The following PES1 variants were observed in gnomAD, a reference collection of about 807,000 sequenced individuals.
PES1 encodes the protein pescadillo homolog.
In PES1, 31 loss-of-function variants were observed where a neutral mutation model predicts 77.1. The ratio of observed to expected loss-of-function variants is 0.40; its 90% confidence interval spans 0.30 to 0.54. The LOEUF (loss-of-function observed/expected upper bound fraction) is 0.54, where lower values mean the gene tolerates loss of function less well. PES1 is among the 20% of genes least tolerant of loss of function. The probability of loss-of-function intolerance (pLI) is 0.45; values close to 1 mark genes in which losing one functional copy is unlikely to be tolerated. For synonymous variants in PES1, 282 were observed against 303.0 expected (o/e 0.93, Z 0.72); for missense variants, 658 against 771.7 (o/e 0.85, Z 1.75).
chr22:30,603,690 T>A (rs1404289126), intron 2 of PES1: 1 of 152,204 alleles, frequency 6.6e-6, no homozygotes, highest in African/African-American at 2.4e-5. Flanking sequence ...CCTTAAAATA[T>A]GATTTTAATA....
At chr22:30,591,740 A>G in intron 1 of PES1, 70 bp downstream of exon 1, 1 of 1,508,698 alleles carries the variant, frequency 6.6e-7, no homozygotes, top group African/African-American at 1.4e-5. Flanking sequence ...GCCCGGGAAA[A>G]GAGTCGACCC....
intron 2 of PES1, among the ~76,000 whole-genome samples, chr22:30,598,084 C>T (rs952550310): frequency 1.3e-5 from 2 of 151,934 alleles, no homozygotes; most frequent in Admixed American, 6.6e-5. Flanking sequence ...GGGGTTTCAC[C>T]GTTTTAGCCG....
chr22:30,595,309 G>A (rs2087238068), upstream of PES1, among the ~76,000 whole-genome samples: 1 of 152,050 alleles, frequency 6.6e-6, no homozygotes, highest in African/African-American at 2.4e-5. Context: ...GGAGGCCAAG[G>A]CGGGTGGATC....
At chr22:30,600,263 G>GAT (rs925466192) in intron 2 of PES1, among the ~76,000 whole-genome samples, 60 of 152,164 alleles carry the variant, frequency 3.9e-4, no homozygotes, top group African/African-American at 1.4e-3. Context: ...GAGCCAGGGA[G>GAT]ATGGAGGTTG....
intron 14 of PES1, among the ~76,000 whole-genome samples, chr22:30,577,706 C>T: frequency 6.6e-6 from 1 of 151,816 alleles, no homozygotes; most frequent in East Asian, 1.9e-4. Context: ...ATGTTGCCAA[C>T]GCTGGTCTTG....
At chr22:30,580,903 C>T in intron 9 of PES1, 109 bp downstream of exon 9, 2 of 1,198,676 alleles carry the variant, frequency 1.7e-6, no homozygotes, top group East Asian at 2.4e-5. Flanking sequence ...TGCTCAGTTG[C>T]TTTGACCATC....
chr22:30,581,487 C>A (rs2086986970), intron 7 of PES1, 41 bp downstream of exon 7: 3 of 1,605,092 alleles, frequency 1.9e-6, no homozygotes, highest in African/African-American at 1.3e-5. Flanking sequence ...AGGGCTGTGG[C>A]CCCTGCACGG....
Position 30,584,434 on chromosome 22 carries a change from G to A in PES1, c.561C>T (p.Gly187=). Residue 187 remains glycine, a synonymous_variant, in exon 6 of 15, where the codon GGC becomes GGT. Coordinates refer to ENST00000354694, the MANE Select transcript of PES1 (RefSeq NM_014303.4). ...CCAGTACCTCGGCCTGGTAGTAAATGCCTTTGATGGACAGGAAGACCTAGG... is the reference window on the plus strand; with the variant it reads ...CCAGTACCTCGGCCTGGTAGTAAATACCTTTGATGGACAGGAAGACCTAGG... ...ALRKVFLSIK[G]IYYQAEVLGQ... 6.2e-7 allele frequency: 1 copy of A among 1,612,208 alleles called. No homozygotes were observed.
chr22:30,603,587 G>C (rs1296960878), intron 2 of PES1, among the ~76,000 whole-genome samples: 1 of 151,736 alleles, frequency 6.6e-6, no homozygotes, highest in South Asian at 2.1e-4. Flanking sequence ...TCACCCTGTT[G>C]GTCAGGCTGG....
At chr22:30,601,517 T>G (rs562471874) in intron 2 of PES1, among the ~76,000 whole-genome samples, 2 of 127,574 alleles carry the variant, frequency 1.6e-5, no homozygotes, top group South Asian at 5.0e-4. Context: ...TTCACTATGT[T>G]GGCCAGGCTA....
intron 6 of PES1, among the ~76,000 whole-genome samples, chr22:30,583,914 G>A (rs1602011759): frequency 6.6e-6 from 1 of 152,262 alleles, no homozygotes; most frequent in East Asian, 1.9e-4. Context: ...AGGCCACTTG[G>A]CCAAGGTCTG....
rs541839622 is a variant in PES1 at position 30,580,428 on chromosome 22, T to G, written c.1043+143A>C. Reference sequence around the variant, plus strand: ...TGCTGAGCACTTCCTATGTGCTCAGTGCGGTGCCGAGCACTTTCCACACAC... The same window carrying G: ...TGCTGAGCACTTCCTATGTGCTCAGGGCGGTGCCGAGCACTTTCCACACAC... On this transcript the variant is annotated intron_variant, in intron 10 of 14. Coordinates refer to ENST00000354694, the MANE Select transcript of PES1 (RefSeq NM_014303.4). The G allele has an allele frequency of 4.2e-6, 5 of 1,187,240 alleles. 1 individual carries two copies. In the Admixed American group the frequency reaches 1.0e-4, roughly 24 times the overall value. The allele number at this position is 1,187,240 out of a possible 1,614,324, so 73.5% of individuals were successfully genotyped here. A position where few individuals can be genotyped will look rare whatever the true frequency, so the allele number is the denominator to read the frequency against.
At chr22:30,606,609 C>CG (rs1239658505) in intron 1 of PES1, 1 of 153,212 alleles carries the variant, frequency 6.5e-6, no homozygotes, top group East Asian at 1.9e-4. Flanking sequence ...CCAGCCCTTT[C>CG]GGATTGGTTG....
At chr22:30,580,002 C>A in intron 11 of PES1, 51 bp downstream of exon 11, 1 of 1,611,662 alleles carries the variant, frequency 6.2e-7, no homozygotes. Context: ...CATCGCAGGG[C>A]CTTTGAGACA....
intron 1 of PES1, 42 bp downstream of exon 1, chr22:30,591,768 G>A (rs747806394): frequency 5.2e-6 from 8 of 1,537,108 alleles, no homozygotes; most frequent in African/African-American, 1.4e-5. Context: ...TGCCGCCCCC[G>A]CACCCCACCC....
chr22:30,582,556 C>G (rs1350082125), intron 6 of PES1, among the ~76,000 whole-genome samples: 2 of 152,184 alleles, frequency 1.3e-5, no homozygotes, highest in Non-Finnish European at 2.9e-5. Context: ...AGTTCTGCCC[C>G]CTAAAACCAT....
chr22:30,581,796 G>A (rs2086992575), intron 6 of PES1, 152 bp from the exon 7 acceptor site: 1 of 641,012 alleles, frequency 1.6e-6, no homozygotes, highest in Admixed American at 2.4e-5. Context: ...CCTAGGGAAG[G>A]GGTGGCATGG....
At chr22:30,579,404 T>C in intron 12 of PES1, 101 bp from the exon 13 acceptor site, 1 of 1,566,240 alleles carries the variant, frequency 6.4e-7, no homozygotes, top group Non-Finnish European at 8.6e-7. Context: ...CTGCCGTCTT[T>C]AGCCATGGGC....
intron 1 of PES1, among the ~76,000 whole-genome samples, chr22:30,606,287 G>A (rs1197216788): frequency 6.6e-6 from 1 of 152,148 alleles, no homozygotes; most frequent in Non-Finnish European, 1.5e-5. Context: ...CTGGAGTGCA[G>A]TGGTGTAATC....
Sources: gnomAD v4.1 joint callset for allele counts (sites outside exome capture counted in the v4.1 genomes callset) on GRCh38, gnomAD v4.1.1 for gene constraint, MANE v1.5 for transcripts, NCBI Gene and HGNC (gene_info 2026-07-23, HGNC 2026-07-21) for gene names.